The following SHTN1 variants were observed in gnomAD, a reference collection of about 807,000 sequenced individuals.
SHTN1 encodes the protein shootin 1.
Under a neutral mutation model 83.1 loss-of-function variants are expected in SHTN1, and 42 were observed. The observed-to-expected ratio is 0.51, with a 90% CI of 0.39 to 0.65. The LOEUF (loss-of-function observed/expected upper bound fraction) is 0.65, where lower values mean the gene tolerates loss of function less well. SHTN1 is among the 30% of genes least tolerant of loss of function. The pLI, the probability that SHTN1 is intolerant of heterozygous loss-of-function variation, is 0.00. For synonymous variants in SHTN1, 224 were observed against 247.7 expected (o/e 0.90, Z 0.90); for missense variants, 622 against 737.8 (o/e 0.84, Z 1.82).
intron 11 of SHTN1, among the ~76,000 whole-genome samples, chr10:116,926,196 G>T (rs1341774874): frequency 6.6e-6 from 1 of 152,050 alleles, no homozygotes; most frequent in Non-Finnish European, 1.5e-5. Context: ...ATTCTACTTA[G>T]GTTATACTTT....
rs1044685227 is a variant in SHTN1, at chr10:117,053,814, A to T, written c.-188-5304T>A. ...AAACCAGTATAAGAATATTCATAGC[A>T]GCACTATTCACAATAATCAAAAGGT... On this transcript the variant is annotated intron_variant, in intron 1 of 17. Transcript: ENST00000392901. Among the ~76,000 whole-genome samples the T allele has an allele frequency of 2.6e-5, 4 of 152,240 alleles. No homozygotes were observed. The East Asian group carries it at 7.7e-4, about 29-fold the overall frequency.
intron 1 of SHTN1, among the ~76,000 whole-genome samples, chr10:117,072,890 G>A (rs1014507336): frequency 6.6e-6 from 1 of 152,150 alleles, no homozygotes; most frequent in Non-Finnish European, 1.5e-5. Flanking sequence ...AAAGAATTTA[G>A]GAGGTTAGTT....
chr10:117,016,605 C>T (rs1852184468), intron 2 of SHTN1, among the ~76,000 whole-genome samples: 1 of 152,172 alleles, frequency 6.6e-6, no homozygotes, highest in Admixed American at 6.5e-5. Flanking sequence ...CAGGGTTTTA[C>T]TATGCTGGCC....
At chr10:117,087,512 A>C (rs1853367379) in intron 1 of SHTN1, among the ~76,000 whole-genome samples, 1 of 152,232 alleles carries the variant, frequency 6.6e-6, no homozygotes, top group Non-Finnish European at 1.5e-5. Context: ...ACTATTTGAT[A>C]AATGGAGTTA....
intron 1 of SHTN1, among the ~76,000 whole-genome samples, chr10:117,108,922 T>C (rs1262687071): frequency 2.6e-5 from 4 of 152,102 alleles, no homozygotes; most frequent in Non-Finnish European, 5.9e-5. Flanking sequence ...CTGAGCCTCA[T>C]TTTTCTCACA....
At chr10:116,888,358 G>C (rs1847226973) in intron 16 of SHTN1, among the ~76,000 whole-genome samples, 2 of 152,162 alleles carry the variant, frequency 1.3e-5, no homozygotes, top group Admixed American at 1.3e-4. Context: ...GGGAGAAGCA[G>C]AACAACTATG....
At chr10:117,124,763 G>A (rs1724843747) in intron 1 of SHTN1, among the ~76,000 whole-genome samples, 1 of 152,224 alleles carries the variant, frequency 6.6e-6, no homozygotes, top group African/African-American at 2.4e-5. Context: ...GATGCAGTGA[G>A]ACTCCGTCTC....
At chr10:117,086,150 C>G (rs1430276670) in intron 1 of SHTN1, among the ~76,000 whole-genome samples, 1 of 152,142 alleles carries the variant, frequency 6.6e-6, no homozygotes, top group Non-Finnish European at 1.5e-5. Context: ...TATCTCCTGA[C>G]CTCGTGATCT....
At chr10:117,051,063 A>C (rs1852733666) in intron 1 of SHTN1, among the ~76,000 whole-genome samples, 1 of 152,152 alleles carries the variant, frequency 6.6e-6, no homozygotes, top group Non-Finnish European at 1.5e-5. Flanking sequence ...TCTCAAAAAA[A>C]CAAATGGGAA....
rs1847036856 is a variant in SHTN1, at chr10:116,882,222, T to A, written c.*4122A>T. 6.6e-6 allele frequency: 1 copy of A among 151,932 alleles called. No individual in the cohort carries two copies. The highest frequency in any genetic ancestry group is 6.6e-5 in the Admixed American group (1 of 15,266). The allele number at this position is 151,932 out of a possible 1,614,324, so 9.4% of individuals were successfully genotyped here. A position where few individuals can be genotyped will look rare whatever the true frequency, so the allele number is the denominator to read the frequency against. ...TTCCTTTTTTCCTAATTCCCTCTCC[T>A]TTTTAAATTTTAGTTTTTCTTGTAT... On this transcript the variant is annotated 3_prime_UTR_variant, in exon 17 of 17. Transcript: ENST00000355371.
rs539409916 is a variant in SHTN1 at position 117,036,812 on chromosome 10, G to C, written c.-123+11633C>G. On this transcript the variant is annotated intron_variant, in intron 2 of 17. Transcript: ENST00000392901. Reference sequence around the variant, plus strand: ...ATTGTTTGTAACATAAAGGATAAATGATTGAGGGGATGGATACCCCATGTT... The same window carrying C: ...ATTGTTTGTAACATAAAGGATAAATCATTGAGGGGATGGATACCCCATGTT... Among the ~76,000 whole-genome samples, 3 of 152,282 alleles carry C rather than the reference G, an allele frequency of 2.0e-5. No homozygotes were observed. The East Asian group carries it at 5.8e-4, about 29-fold the overall frequency.
chr10:116,893,814 C>T (rs1847423761), intron 16 of SHTN1, among the ~76,000 whole-genome samples: 2 of 152,052 alleles, frequency 1.3e-5, no homozygotes, highest in Admixed American at 1.3e-4. Flanking sequence ...TAATTTTATG[C>T]CAAGTTTCCC....
chr10:117,084,839 G>A (rs1266504672), intron 1 of SHTN1, among the ~76,000 whole-genome samples: 1 of 152,042 alleles, frequency 6.6e-6, no homozygotes, highest in African/African-American at 2.4e-5. Flanking sequence ...TTAGGAAAGG[G>A]AACTCCCTGA....
intron 1 of SHTN1, among the ~76,000 whole-genome samples, chr10:117,000,204 C>A (rs1179625021): frequency 6.6e-6 from 1 of 152,214 alleles, no homozygotes; most frequent in African/African-American, 2.4e-5. Context: ...ACTGGCTGAT[C>A]TCATATGCAC....
Position 116,909,493 on chromosome 10 carries a change from G to A in SHTN1, c.1359+2297C>T, listed in dbSNP as rs1726704821. Among the ~76,000 whole-genome samples the A allele has an allele frequency of 2.0e-5, 3 of 152,154 alleles. No individual in the cohort carries two copies. In the South Asian group the frequency reaches 6.2e-4, roughly 32 times the overall value. On this transcript the variant is annotated intron_variant, in intron 14 of 16. Coordinates refer to ENST00000355371, the MANE Select transcript of SHTN1 (RefSeq NM_001127211.3). The stretch of plus-strand genomic sequence containing the variant: ...CTTCAGCAATCACCACTGTCACTTA[G>A]AGTGGCTTTCTAAGTGACTGAGGTG...
At chr10:116,915,035 C>T (rs1848335957) in intron 13 of SHTN1, among the ~76,000 whole-genome samples, 1 of 152,068 alleles carries the variant, frequency 6.6e-6, no homozygotes, top group Non-Finnish European at 1.5e-5. Flanking sequence ...CAGCATCTGG[C>T]ACATAGCAGA....
intron 1 of SHTN1, among the ~76,000 whole-genome samples, chr10:117,087,852 C>T (rs530334429): frequency 4.1e-4 from 62 of 152,200 alleles, no homozygotes; most frequent in Admixed American, 1.6e-3. Flanking sequence ...GGTATAGTCC[C>T]GATACTTGGG....
chr10:117,021,633 A>G (rs887566343), intron 2 of SHTN1, among the ~76,000 whole-genome samples: 5 of 152,218 alleles, frequency 3.3e-5, no homozygotes, highest in Non-Finnish European at 7.3e-5. Flanking sequence ...TGTAATATGC[A>G]TGTACCTTAT....
At chr10:117,077,159 G>A (rs1237372807) in intron 1 of SHTN1, among the ~76,000 whole-genome samples, 1 of 152,174 alleles carries the variant, frequency 6.6e-6, no homozygotes, top group Non-Finnish European at 1.5e-5. Flanking sequence ...AGTTGGCAAA[G>A]TAAATCTTGA....
Sources: gnomAD v4.1 joint callset for allele counts (sites outside exome capture counted in the v4.1 genomes callset) on GRCh38, gnomAD v4.1.1 for gene constraint, MANE v1.5 for transcripts, NCBI Gene and HGNC (gene_info 2026-07-23, HGNC 2026-07-21) for gene names.